IMPG2: variants seen among roughly 807,000 people sequenced by gnomAD.
IMPG2 encodes IPM 200.
In IMPG2, 91 loss-of-function variants were observed where a neutral mutation model predicts 129.2. The ratio of observed to expected loss-of-function variants is 0.70; its 90% CI spans 0.59 to 0.84. IMPG2 has a LOEUF of 0.84. Ranked by LOEUF, IMPG2 falls within the 40% of genes least tolerant of loss-of-function variation. The pLI, the probability that IMPG2 is intolerant of heterozygous loss-of-function variation, is 0.00. For missense variants in IMPG2, 1,430 were observed against 1,461.7 expected, an observed-to-expected ratio of 0.98 and a Z score of 0.35; for synonymous variants, 510 against 517.7, an observed-to-expected ratio of 0.99 and a Z score of 0.20.
intron 4 of IMPG2, 129 bp downstream of exon 4, chr3:101,291,350 T>C (rs1405984245): frequency 1.3e-6 from 1 of 795,266 alleles, no homozygotes; most frequent in Non-Finnish European, 2.2e-6. Flanking sequence ...TTGGGACTTA[T>C]CCACAGGCCT....
chr3:101,268,268 C>A (rs1290441490), intron 8 of IMPG2, among the ~76,000 whole-genome samples: 1 of 152,136 alleles, frequency 6.6e-6, no homozygotes, highest in Non-Finnish European at 1.5e-5. Flanking sequence ...GGATCTGAAG[C>A]CAGGCAAGTT....
chr3:101,293,712 A>G (rs1707046485), intron 3 of IMPG2, among the ~76,000 whole-genome samples: 1 of 152,186 alleles, frequency 6.6e-6, no homozygotes. Flanking sequence ...ATCCACATTA[A>G]AAGTCTGTTG....
chr3:101,267,176 A>C (rs1576757133), intron 9 of IMPG2, among the ~76,000 whole-genome samples: 1 of 152,338 alleles, frequency 6.6e-6, no homozygotes, highest in East Asian at 1.9e-4. Context: ...AAAAAGAACA[A>C]TATTTTGTGA....
In IMPG2 at chr3:101,295,204, T is replaced by C. The variant is rs531923995; in HGVS notation, c.502-3694A>G. On this transcript the variant is annotated intron_variant, in intron 3 of 18. Coordinates refer to ENST00000193391, the MANE Select transcript of IMPG2 (RefSeq NM_016247.4). ...CCTAGGTTTTCTTCTAGGGTTTTTA[T>C]GATTTTGGGTTTTACATTTAAGTCT... 2.0e-5 allele frequency among the ~76,000 whole-genome samples: 3 copies of C among 152,374 alleles called. No individual in the cohort carries two copies. The South Asian group carries it at 6.2e-4, about 32-fold the overall frequency.
Position 101,244,549 on chromosome 3 carries a change from C to A in IMPG2, c.1782G>T (p.Glu594Asp), listed in dbSNP as rs573827267. Residue 594 changes from glutamate (E) to aspartate (D), a missense_variant, in exon 13 of 19, where the codon GAG becomes GAT. Coordinates refer to ENST00000193391, the MANE Select transcript of IMPG2 (RefSeq NM_016247.4). ...PFLPDASMEK[E>D]LIFDGGLGSG... ...AACCTAAACCACCGTCAAATATTAA[C>A]TCTTTTTCCATGGATGCATCTGGCA... 6.3e-6 allele frequency: 10 copies of A among 1,595,522 alleles called. No homozygotes were observed. The East Asian group carries it at 2.0e-4, about 32-fold the overall frequency.
intron 4 of IMPG2, among the ~76,000 whole-genome samples, chr3:101,281,166 G>A (rs1001780054): frequency 3.9e-5 from 6 of 152,196 alleles, no homozygotes; most frequent in East Asian, 1.9e-4. Flanking sequence ...ATCCTAGGAT[G>A]AGCCTTGCAC....
chr3:101,231,263 G>A (rs903096683), intron 15 of IMPG2, 118 bp from the exon 16 acceptor site: 1 of 948,304 alleles, frequency 1.1e-6, no homozygotes, highest in Non-Finnish European at 1.7e-6. Flanking sequence ...ACCACGTGAA[G>A]CTTCATAAAG....
Position 101,223,857 on chromosome 3 carries a change from G to C in IMPG2, c.*3112C>G, listed in dbSNP as rs1470963028. The C allele has an allele frequency of 6.6e-6, 1 of 152,188 alleles. No individual in the cohort carries two copies. Among genetic ancestry groups the C allele is most frequent in the East Asian group, 1.9e-4 (1 of 5,200 alleles). 9.4% of individuals were successfully genotyped at this position (152,188 alleles called of 1,614,324 possible). ...TTGTTTTATTATATAAATTAAATGG[G>C]GCCAGGTGCGGTGGCTCATGCCTGT... On this transcript the variant is annotated 3_prime_UTR_variant, in exon 19 of 19. Transcript: ENST00000193391.
At chr3:101,296,866 A>C (rs1479683907) in intron 3 of IMPG2, among the ~76,000 whole-genome samples, 1 of 152,044 alleles carries the variant, frequency 6.6e-6, no homozygotes, top group Non-Finnish European at 1.5e-5. Flanking sequence ...GTTTATTTGC[A>C]TAGAGGTGTT....
intron 4 of IMPG2, among the ~76,000 whole-genome samples, chr3:101,286,680 G>A (rs1706949409): frequency 6.6e-6 from 1 of 152,176 alleles, no homozygotes; most frequent in Non-Finnish European, 1.5e-5. Context: ...CTGCATTATA[G>A]GCTAGTTCTC....
intron 2 of IMPG2, among the ~76,000 whole-genome samples, chr3:101,314,988 A>T (rs1446542194): frequency 6.6e-6 from 1 of 152,070 alleles, no homozygotes; most frequent in Admixed American, 6.6e-5. Flanking sequence ...ACTAGACAAG[A>T]GTACCCAAGG....
At chr3:101,233,747 A>G (rs1353997802) in intron 14 of IMPG2, among the ~76,000 whole-genome samples, 2 of 152,250 alleles carry the variant, frequency 1.3e-5, no homozygotes, top group African/African-American at 4.8e-5. Context: ...TCACTGGTCA[A>G]TGGTAATCTG....
intron 2 of IMPG2, among the ~76,000 whole-genome samples, chr3:101,308,853 T>C (rs970892448): frequency 1.3e-5 from 2 of 152,200 alleles, no homozygotes; most frequent in African/African-American, 2.4e-5. Flanking sequence ...TTCCAAACCA[T>C]ATCCTTGTGA....
At chr3:101,280,823 C>A (rs9842047) in intron 4 of IMPG2, among the ~76,000 whole-genome samples, 4 of 152,138 alleles carry the variant, frequency 2.6e-5, no homozygotes, top group African/African-American at 4.8e-5. Context: ...GTGGCACATG[C>A]CTGTAATCCC....
chr3:101,266,281 A>G (rs1396670126), intron 9 of IMPG2, among the ~76,000 whole-genome samples: 2 of 152,228 alleles, frequency 1.3e-5, no homozygotes, highest in East Asian at 3.8e-4. Context: ...ACTACTCACA[A>G]CAGCCAAGAT....
intron 2 of IMPG2, among the ~76,000 whole-genome samples, chr3:101,308,116 G>A (rs973009954): frequency 6.6e-6 from 1 of 152,236 alleles, no homozygotes; most frequent in Non-Finnish European, 1.5e-5. Context: ...TGGCTTTGCA[G>A]GGTACAGCCC....
At chr3:101,285,195 T>C (rs1706931687) in intron 4 of IMPG2, among the ~76,000 whole-genome samples, 1 of 152,222 alleles carries the variant, frequency 6.6e-6, no homozygotes, top group Admixed American at 6.5e-5. Context: ...TGGAGATATG[T>C]CATCTCATAA....
At chr3:101,230,910 G>T in intron 16 of IMPG2, 47 bp downstream of exon 16, 2 of 1,535,108 alleles carry the variant, frequency 1.3e-6, no homozygotes, top group Non-Finnish European at 1.8e-6. Flanking sequence ...AAATAAATGT[G>T]TAAATGGAAC....
At chr3:101,263,076 A>T (rs569720303) in intron 9 of IMPG2, among the ~76,000 whole-genome samples, 11 of 152,080 alleles carry the variant, frequency 7.2e-5, no homozygotes, top group Non-Finnish European at 1.5e-4. Flanking sequence ...ATAAATGGAG[A>T]GATAGACCCC....
Sources: gnomAD v4.1 joint callset for allele counts (sites outside exome capture counted in the v4.1 genomes callset) on GRCh38, gnomAD v4.1.1 for gene constraint, MANE v1.5 for transcripts, NCBI Gene and HGNC (gene_info 2026-07-23, HGNC 2026-07-21) for gene names.